STK32B: variants seen among roughly 807,000 people sequenced by gnomAD.
The protein encoded by STK32B is serine/threonine kinase 32B.
In STK32B, 43 loss-of-function variants were observed where a neutral mutation model predicts 52.6. The ratio of observed to expected loss-of-function variants is 0.82; its 90% CI spans 0.64 to 1.05. The LOEUF (loss-of-function observed/expected upper bound fraction) is 1.05. Ranked by LOEUF, STK32B falls within the 50% of genes least tolerant of loss-of-function variation. STK32B has a pLI of 0.00. For missense variants in STK32B, 621 were observed against 534.6 expected (o/e 1.16, Z -1.59); for synonymous variants, 238 against 204.3 (o/e 1.17, Z -1.41).
chr4:5,471,081 G>A (rs1039571303), intron 11 of STK32B, among the ~76,000 whole-genome samples: 2 of 152,208 alleles, frequency 1.3e-5, no homozygotes, highest in Non-Finnish European at 2.9e-5. Flanking sequence ...CACAGTGGGG[G>A]CTGCAAAGAT....
chr4:5,316,192 T>TACAATA (rs1730684311), intron 3 of STK32B, among the ~76,000 whole-genome samples: 3 of 81,168 alleles, frequency 3.7e-5, no homozygotes, highest in African/African-American at 2.8e-4. Context: ...AATATATATA[T>TACAATA]TTAGATATAT....
At chr4:5,071,772 A>G (rs1008615018) in intron 1 of STK32B, among the ~76,000 whole-genome samples, 1 of 152,190 alleles carries the variant, frequency 6.6e-6, no homozygotes, top group African/African-American at 2.4e-5. Context: ...GAAAATAACA[A>G]ATGTTTCTGA....
chr4:5,492,067 T>G (rs938762250), intron 11 of STK32B, among the ~76,000 whole-genome samples: 11 of 152,266 alleles, frequency 7.2e-5, no homozygotes, highest in African/African-American at 2.4e-4. Context: ...TGCGGGCTCT[T>G]TTTTGGTTCC....
intron 1 of STK32B, among the ~76,000 whole-genome samples, chr4:5,107,284 A>G (rs949089825): frequency 1.3e-5 from 2 of 152,190 alleles, no homozygotes; most frequent in Non-Finnish European, 2.9e-5. Flanking sequence ...AAATAAGCTC[A>G]GGGCTCCCAC....
intron 3 of STK32B, among the ~76,000 whole-genome samples, chr4:5,321,713 AG>A (rs1320291227): frequency 1.3e-5 from 2 of 149,420 alleles, no homozygotes; most frequent in Non-Finnish European, 2.9e-5. Context: ...TTATACAGAT[AG>A]ATAGCACTTT....
chr4:5,333,504 G>T (rs539884741), intron 4 of STK32B, among the ~76,000 whole-genome samples: 29 of 152,208 alleles, frequency 1.9e-4, no homozygotes, highest in East Asian at 1.5e-3. Flanking sequence ...GTCAATTTTG[G>T]CTTTTGTTGC....
At chr4:5,411,449 CAATA>C (rs1416680125) in intron 5 of STK32B, among the ~76,000 whole-genome samples, 1 of 152,104 alleles carries the variant, frequency 6.6e-6, no homozygotes, top group Non-Finnish European at 1.5e-5. Flanking sequence ...AACAATGAAA[CAATA>C]AAAAATAATA....
Position 5,380,588 on chromosome 4 carries a change from G to T in STK32B, c.435-17619G>T, listed in dbSNP as rs933367350. On this transcript the variant is annotated intron_variant, in intron 4 of 11. Coordinates refer to ENST00000282908, the MANE Select transcript of STK32B (RefSeq NM_018401.3). The surrounding 1 kb of genome is among the most constrained non-coding windows in gnomAD (Gnocchi z 4.3). Reference sequence around the variant, plus strand: ...CAAGTCCCACCCCATAGGAGCAGCTGGGACTGAGTACCCATGACACGCAGA... The same window carrying T: ...CAAGTCCCACCCCATAGGAGCAGCTTGGACTGAGTACCCATGACACGCAGA... 6.6e-6 allele frequency among the ~76,000 whole-genome samples: 1 copy of T among 152,216 alleles called. No homozygotes were observed. The highest frequency in any genetic ancestry group is 6.5e-5 in the Admixed American group (1 of 15,286).
chr4:5,128,812 G>A (rs1226751572), intron 1 of STK32B, among the ~76,000 whole-genome samples: 1 of 152,218 alleles, frequency 6.6e-6, no homozygotes, highest in South Asian at 2.1e-4. Context: ...CTCAGGATAT[G>A]AATGTGAATG....
chr4:5,094,025 A>G (rs1040833826), intron 1 of STK32B, among the ~76,000 whole-genome samples: 9 of 152,188 alleles, frequency 5.9e-5, no homozygotes, highest in African/African-American at 1.4e-4. Context: ...ATAAAGACCA[A>G]TGTGAAGCCA....
intron 1 of STK32B, among the ~76,000 whole-genome samples, chr4:5,120,697 G>C (rs1385589060): frequency 6.6e-6 from 1 of 152,076 alleles, no homozygotes; most frequent in African/African-American, 2.4e-5. Flanking sequence ...GAATTTTTGA[G>C]ATTTCCTGTG....
chr4:5,331,351 CACT>C lies in STK32B; in HGVS notation c.393_395del (p.Leu132del). The C allele has an allele frequency of 6.2e-7, 1 of 1,613,684 alleles. No homozygotes were observed. Among genetic ancestry groups the C allele is most frequent in the Non-Finnish European group, 8.5e-7 (1 of 1,179,776 alleles). On this transcript the variant is annotated inframe_deletion, in exon 4 of 12. Transcript: ENST00000282908. Reference sequence around the variant, plus strand: ...GTGAAACTCTACATCTGTGAGCTGGCACTGGCCCTGGAGTATCTTCAGAGGTAC... The same window carrying C: ...GTGAAACTCTACATCTGTGAGCTGGCGGCCCTGGAGTATCTTCAGAGGTAC...
intron 1 of STK32B, among the ~76,000 whole-genome samples, chr4:5,063,278 A>T (rs1742286409): frequency 1.3e-5 from 2 of 152,200 alleles, no homozygotes; most frequent in Admixed American, 1.3e-4. Flanking sequence ...TCAGTCGACA[A>T]ATGTGAACCA....
At chr4:5,455,187 G>C (rs185056378) in intron 7 of STK32B, among the ~76,000 whole-genome samples, 37 of 152,310 alleles carry the variant, frequency 2.4e-4, no homozygotes, top group Non-Finnish European at 1.0e-4. Context: ...TCACTCCAGG[G>C]AACTGTAGCC....
intron 7 of STK32B, 148 bp from the exon 8 acceptor site, chr4:5,456,659 G>C (rs926563199): frequency 1.4e-6 from 1 of 707,818 alleles, no homozygotes; most frequent in African/African-American, 1.8e-5. Flanking sequence ...CTTGGGTTCG[G>C]GCCACCTGCT....
At chr4:5,340,225 G>T (rs1433957740) in intron 4 of STK32B, among the ~76,000 whole-genome samples, 1 of 152,196 alleles carries the variant, frequency 6.6e-6, no homozygotes, top group Admixed American at 6.5e-5. Flanking sequence ...ACAAATGATT[G>T]CAGCCAAGGA....
At chr4:5,165,250 C>A (rs55736593) in intron 2 of STK32B, among the ~76,000 whole-genome samples, 355 of 152,296 alleles carry the variant, frequency 2.3e-3, no homozygotes, top group Non-Finnish European at 3.5e-3. Context: ...ATCAAAACTT[C>A]CAGGCTGCAT....
chr4:5,288,470 A>G (rs1266194968), intron 3 of STK32B, among the ~76,000 whole-genome samples: 1 of 152,130 alleles, frequency 6.6e-6, no homozygotes, highest in East Asian at 1.9e-4. Flanking sequence ...TTCGTGTTAA[A>G]TGTCCCTGAT....
At chr4:5,327,955 A>G (rs919945717) in intron 3 of STK32B, among the ~76,000 whole-genome samples, 3 of 152,232 alleles carry the variant, frequency 2.0e-5, no homozygotes, top group African/African-American at 7.2e-5. Context: ...TCTTCTGGGT[A>G]ACTTGCTGCA....
Sources: allele counts gnomAD v4.1 joint callset (sites outside exome capture counted in the v4.1 genomes callset), GRCh38; gene constraint gnomAD v4.1.1; non-coding constraint Gnocchi (gnomAD v3.1); transcripts MANE v1.5; gene names NCBI Gene and HGNC (gene_info 2026-07-23, HGNC 2026-07-21).